The following ITFG1 variants were observed in gnomAD, a reference collection of about 807,000 sequenced individuals.
ITFG1 encodes T-cell immunomodulatory protein.
Under a neutral mutation model 81.8 loss-of-function variants are expected in ITFG1, and 34 were observed. The ratio of observed to expected loss-of-function variants is 0.42; its 90% confidence interval spans 0.32 to 0.55. The LOEUF (loss-of-function observed/expected upper bound fraction) is 0.55. ITFG1 is among the 20% of genes least tolerant of loss of function. The probability of loss-of-function intolerance (pLI) is 0.17; values close to 1 mark genes in which losing one functional copy is unlikely to be tolerated. For synonymous variants in ITFG1, 285 were observed against 270.6 expected, an observed-to-expected ratio of 1.05 and a Z score of -0.52; for missense variants, 672 against 755.4, an observed-to-expected ratio of 0.89 and a Z score of 1.29.
At chr16:47,351,843 T>TG (rs1375027822) in intron 8 of ITFG1, among the ~76,000 whole-genome samples, 1 of 152,108 alleles carries the variant, frequency 6.6e-6, no homozygotes, top group African/African-American at 2.4e-5. Flanking sequence ...ACAACAGCCA[T>TG]GTACTGGTAC....
chr16:47,297,472 C>A (rs1967000748), intron 10 of ITFG1, among the ~76,000 whole-genome samples: 1 of 151,990 alleles, frequency 6.6e-6, no homozygotes. Flanking sequence ...AAGTACTAAC[C>A]CTTTGTTTCC....
chr16:47,222,134 G>C (rs1450713931), intron 13 of ITFG1, among the ~76,000 whole-genome samples: 1 of 151,736 alleles, frequency 6.6e-6, no homozygotes, highest in Admixed American at 6.6e-5. Context: ...GCTAGCTTTT[G>C]AATGTGTTTG....
chr16:47,401,755 TA>T (rs964955962), intron 6 of ITFG1, among the ~76,000 whole-genome samples: 15 of 151,470 alleles, frequency 9.9e-5, no homozygotes, highest in East Asian at 3.9e-4. Flanking sequence ...ACAGATTCAT[TA>T]AAAAAAAATC....
intron 16 of ITFG1, among the ~76,000 whole-genome samples, chr16:47,160,982 A>G (rs1964795867): frequency 6.6e-6 from 1 of 152,210 alleles, no homozygotes; most frequent in Non-Finnish European, 1.5e-5. Flanking sequence ...CTGGTTACAT[A>G]TTCATAGATA....
intron 5 of ITFG1, among the ~76,000 whole-genome samples, chr16:47,440,282 C>T (rs1282558279): frequency 6.6e-6 from 1 of 152,138 alleles, no homozygotes; most frequent in Non-Finnish European, 1.5e-5. Context: ...ATCAACGAAA[C>T]AGAAAGTAAA....
intron 7 of ITFG1, among the ~76,000 whole-genome samples, chr16:47,372,707 C>A (rs543162279): frequency 5.9e-5 from 9 of 152,182 alleles, no homozygotes; most frequent in Non-Finnish European, 1.3e-4. Context: ...CCTGCCTCAG[C>A]CTCCCAAAGT....
chr16:47,329,402 C>T (rs187257690), intron 8 of ITFG1, among the ~76,000 whole-genome samples: 61 of 152,146 alleles, frequency 4.0e-4, no homozygotes, highest in Admixed American at 3.5e-3. Flanking sequence ...CAGCAGTCCA[C>T]TTCCACTAAG....
chr16:47,258,539 G>A (rs1169417969), intron 12 of ITFG1, 93 bp downstream of exon 12: 2 of 669,690 alleles, frequency 3.0e-6, no homozygotes, highest in East Asian at 2.8e-5. Flanking sequence ...CTGATCTAGA[G>A]GGTTGTACAT....
intron 6 of ITFG1, among the ~76,000 whole-genome samples, chr16:47,424,268 T>C (rs1265949746): frequency 6.6e-6 from 1 of 152,220 alleles, no homozygotes; most frequent in Admixed American, 6.5e-5. Context: ...TGCCATGGTT[T>C]TGCAGCTCCA....
At chr16:47,382,219 A>C (rs559718977) in intron 6 of ITFG1, among the ~76,000 whole-genome samples, 1 of 152,336 alleles carries the variant, frequency 6.6e-6, no homozygotes, top group African/African-American at 2.4e-5. Context: ...AACCTCTGAT[A>C]GAGATGATTG....
At chr16:47,173,463 A>G (rs1964984461) in intron 14 of ITFG1, among the ~76,000 whole-genome samples, 1 of 152,148 alleles carries the variant, frequency 6.6e-6, no homozygotes, top group African/African-American at 2.4e-5. Context: ...AATCCTCCAA[A>G]TGTGTCAGAC....
At chr16:47,428,599 A>G (rs1269446790) in intron 6 of ITFG1, among the ~76,000 whole-genome samples, 1 of 152,228 alleles carries the variant, frequency 6.6e-6, no homozygotes, top group Non-Finnish European at 1.5e-5. Flanking sequence ...GCAGTTATTA[A>G]TGAACAACAA....
At position 47,155,410 on chromosome 16, in the gene ITFG1, T is replaced by G. The variant is rs1452424330; in HGVS notation, c.*309A>C. 1 of 187,692 alleles carries G rather than the reference T, an allele frequency of 5.3e-6. No individual in the cohort carries two copies. The highest frequency in any genetic ancestry group is 1.1e-5 in the Non-Finnish European group (1 of 91,992). 11.6% of individuals were successfully genotyped at this position (187,692 alleles called of 1,614,324 possible). A position where few individuals can be genotyped will look rare whatever the true frequency, so the allele number is the denominator to read the frequency against. On this transcript the variant is annotated 3_prime_UTR_variant, in exon 18 of 18. Transcript: ENST00000320640. ...ATTTAATTATTTTTATTTACACAAC[T>G]TTTTCCATCATCATGATGCAAATAA... is the stretch of plus-strand genomic sequence containing the variant.
chr16:47,355,223 T>C (rs1968021845), intron 8 of ITFG1, among the ~76,000 whole-genome samples: 1 of 152,122 alleles, frequency 6.6e-6, no homozygotes, highest in Non-Finnish European at 1.5e-5. Context: ...AAAAGGAATG[T>C]AGTCCTGTCA....
At chr16:47,388,951 T>C (rs182544525) in intron 6 of ITFG1, among the ~76,000 whole-genome samples, 1 of 152,270 alleles carries the variant, frequency 6.6e-6, no homozygotes, top group East Asian at 1.9e-4. Flanking sequence ...GCAAGACATG[T>C]TTCCCTCAAG....
At chr16:47,398,333 C>A (rs1968618359) in intron 6 of ITFG1, among the ~76,000 whole-genome samples, 1 of 152,172 alleles carries the variant, frequency 6.6e-6, no homozygotes, top group Admixed American at 6.5e-5. Flanking sequence ...TGGATTCCTC[C>A]TGAAAAAGTG....
chr16:47,212,284 G>A (rs972244142), intron 14 of ITFG1, among the ~76,000 whole-genome samples: 3 of 151,942 alleles, frequency 2.0e-5, no homozygotes, highest in Non-Finnish European at 2.9e-5. Flanking sequence ...TGCAATTGTG[G>A]CTCACTGTAA....
chr16:47,203,328 G>A (rs549256302), intron 14 of ITFG1, among the ~76,000 whole-genome samples: 1 of 152,346 alleles, frequency 6.6e-6, no homozygotes, highest in South Asian at 2.1e-4. Context: ...AACTGGTTTT[G>A]TGGAAGACAA....
At chr16:47,200,510 A>G (rs1040302075) in intron 14 of ITFG1, among the ~76,000 whole-genome samples, 1 of 152,202 alleles carries the variant, frequency 6.6e-6, no homozygotes, top group Non-Finnish European at 1.5e-5. Context: ...ATATTTTTAG[A>G]TATCATTACA....
Sources: gnomAD v4.1 joint callset for allele counts (sites outside exome capture counted in the v4.1 genomes callset) on GRCh38, gnomAD v4.1.1 for gene constraint, MANE v1.5 for transcripts, NCBI Gene and HGNC (gene_info 2026-07-23, HGNC 2026-07-21) for gene names.